Variants in GPC5 observed in about 807,000 individuals in gnomAD.
The protein encoded by GPC5 is glypican 5, also known as glypican-5.
GPC5 carries 47 observed loss-of-function variants against 53.9 expected under a neutral mutation model. That is an observed-to-expected ratio of 0.87 (90% CI 0.69 to 1.11). The LOEUF is 1.11. Among genes scored for constraint, GPC5 ranks in the 50% most tolerant of loss-of-function variants. The pLI, the probability that GPC5 is intolerant of heterozygous loss-of-function variation, is 0.00. For synonymous variants in GPC5, 286 were observed against 263.3 expected (o/e 1.09, Z -0.84); for missense variants, 748 against 713.1 (o/e 1.05, Z -0.56).
intron 7 of GPC5, among the ~76,000 whole-genome samples, chr13:92,152,248 G>A (rs912607883): frequency 2.0e-5 from 3 of 152,092 alleles, no homozygotes; most frequent in Admixed American, 1.3e-4. Context: ...GCAATATAGT[G>A]AACTACTTAA....
chr13:92,597,278 A>T (rs11617438), intron 7 of GPC5, among the ~76,000 whole-genome samples: 30,104 of 147,826 alleles, frequency 0.2, 3,306 homozygotes, highest in Admixed American at 0.26. Context: ...TTTTTTTTTT[A>T]AAAAGGATGT....
At chr13:91,798,237 A>G (rs2038077569) in intron 5 of GPC5, among the ~76,000 whole-genome samples, 1 of 152,192 alleles carries the variant, frequency 6.6e-6, no homozygotes, top group South Asian at 2.1e-4. Context: ...GGTTTGTTAC[A>G]TAGGTAAACG....
In GPC5 at chr13:91,682,181, A is replaced by G. The variant is rs538419354; in HGVS notation, c.326-11006A>G. ...CTGTAAACTAGGAATGATTAATAAT[A>G]CAATGTGTGCTATGTTTACTTATAT... On this transcript the variant is annotated intron_variant, in intron 2 of 7. Coordinates refer to ENST00000377067, the MANE Select transcript of GPC5 (RefSeq NM_004466.6). Among the ~76,000 whole-genome samples the G allele has an allele frequency of 2.0e-5, 3 of 152,216 alleles. No homozygotes were observed. In the South Asian group the frequency reaches 6.2e-4, roughly 31 times the overall value.
intron 7 of GPC5, chr13:92,241,492 T>G (rs2042611221): frequency 6.6e-6 from 1 of 152,124 alleles, no homozygotes; most frequent in Admixed American, 6.6e-5. Flanking sequence ...AGGGAATAGT[T>G]TTTTGAAATG....
At chr13:91,754,503 A>G (rs937102539) in intron 4 of GPC5, among the ~76,000 whole-genome samples, 2 of 152,126 alleles carry the variant, frequency 1.3e-5, no homozygotes, top group African/African-American at 4.8e-5. Flanking sequence ...GTCCATAAAA[A>G]TATTTACAAT....
At chr13:92,849,275 A>G (rs1878713476) in intron 7 of GPC5, among the ~76,000 whole-genome samples, 1 of 152,110 alleles carries the variant, frequency 6.6e-6, no homozygotes, top group Non-Finnish European at 1.5e-5. Context: ...TATTTTGTTT[A>G]GCTATCCCCT....
At chr13:92,688,039 G>T (rs1251801562) in intron 7 of GPC5, among the ~76,000 whole-genome samples, 1 of 87,880 alleles carries the variant, frequency 1.1e-5, no homozygotes, top group South Asian at 7.2e-4. Flanking sequence ...TTTTGGTTGT[G>T]TCTCTGCCCT....
chr13:92,800,929 G>A (rs1347630107), intron 7 of GPC5, among the ~76,000 whole-genome samples: 1 of 150,966 alleles, frequency 6.6e-6, no homozygotes, highest in East Asian at 2.0e-4. Flanking sequence ...CTTGTATATT[G>A]TTGTGTCAAC....
intron 7 of GPC5, among the ~76,000 whole-genome samples, chr13:92,755,589 T>C (rs1874825298): frequency 1.4e-5 from 2 of 148,048 alleles, no homozygotes; most frequent in African/African-American, 2.5e-5. Flanking sequence ...CTAGCAAGAC[T>C]AATAAAGAAA....
At chr13:92,684,005 A>G in intron 7 of GPC5, among the ~76,000 whole-genome samples, 1 of 152,168 alleles carries the variant, frequency 6.6e-6, no homozygotes, top group Non-Finnish European at 1.5e-5. Context: ...TGTACCCATC[A>G]TGACAATATT....
chr13:91,440,898 T>C (rs1594094596), intron 1 of GPC5, among the ~76,000 whole-genome samples: 2 of 152,150 alleles, frequency 1.3e-5, no homozygotes, highest in East Asian at 3.8e-4. Context: ...CAGCCAGAGG[T>C]TGGGCAGAGT....
At chr13:92,215,829 A>C (rs1594005086) in intron 7 of GPC5, among the ~76,000 whole-genome samples, 1 of 152,266 alleles carries the variant, frequency 6.6e-6, no homozygotes, top group Non-Finnish European at 1.5e-5. Context: ...ACGGTGTGTG[A>C]TGGTGCTTGT....
intron 1 of GPC5, among the ~76,000 whole-genome samples, chr13:91,428,451 T>A (rs1255489078): frequency 1.3e-5 from 2 of 152,132 alleles, no homozygotes; most frequent in Non-Finnish European, 2.9e-5. Context: ...AAAGAACCAA[T>A]CAGGAACTGA....
chr13:91,848,482 C>T (rs528916248), intron 5 of GPC5, among the ~76,000 whole-genome samples: 1 of 152,130 alleles, frequency 6.6e-6, no homozygotes, highest in East Asian at 1.9e-4. Flanking sequence ...TATGACTGGA[C>T]CTGGGAGGGG....
chr13:91,883,101 T>C (rs2039284940), intron 5 of GPC5, among the ~76,000 whole-genome samples: 1 of 152,178 alleles, frequency 6.6e-6, no homozygotes, highest in Non-Finnish European at 1.5e-5. Flanking sequence ...GCTAGTCAGC[T>C]GGCAAACAAG....
chr13:92,553,687 C>A (rs934776230), intron 7 of GPC5, among the ~76,000 whole-genome samples: 1 of 151,884 alleles, frequency 6.6e-6, no homozygotes, highest in African/African-American at 2.4e-5. Context: ...TCTTTCTGAG[C>A]AAAAGTGCTC....
At chr13:91,601,573 C>T (rs2033182455) in intron 2 of GPC5, among the ~76,000 whole-genome samples, 1 of 152,036 alleles carries the variant, frequency 6.6e-6, no homozygotes, top group Non-Finnish European at 1.5e-5. Flanking sequence ...CACCTGAGCT[C>T]CACCTCCTGT....
At chr13:91,978,981 G>A (rs541268336) in intron 6 of GPC5, among the ~76,000 whole-genome samples, 1 of 152,104 alleles carries the variant, frequency 6.6e-6, no homozygotes, top group Non-Finnish European at 1.5e-5. Flanking sequence ...AAGCAAATTG[G>A]CATCTTAAAT....
intron 7 of GPC5, among the ~76,000 whole-genome samples, chr13:92,522,548 C>T (rs1334355829): frequency 6.6e-6 from 1 of 151,998 alleles, no homozygotes; most frequent in Non-Finnish European, 1.5e-5. Context: ...GGTTCTCACT[C>T]ATAGGTGGGA....
Sources: gnomAD v4.1 joint callset for allele counts (sites outside exome capture counted in the v4.1 genomes callset) on GRCh38, gnomAD v4.1.1 for gene constraint, MANE v1.5 for transcripts, NCBI Gene and HGNC (gene_info 2026-07-23, HGNC 2026-07-21) for gene names.